DNAH11: variants seen among roughly 807,000 people sequenced by gnomAD.
The protein encoded by DNAH11 is dynein axonemal heavy chain 11.
Under a neutral mutation model 526.0 loss-of-function variants are expected in DNAH11, and 442 were observed. The ratio of observed to expected loss-of-function variants is 0.84; its 90% CI spans 0.78 to 0.91. The LOEUF is 0.91. DNAH11 is among the 40% of genes least tolerant of loss of function. DNAH11 has a pLI of 0.00. For missense variants in DNAH11, 6,989 were observed against 5,448.7 expected, an observed-to-expected ratio of 1.28 and a Z score of -8.90; for synonymous variants, 2,461 against 1,935.9, an observed-to-expected ratio of 1.27 and a Z score of -7.12.
At chr7:21,868,208 G>A (rs1783360510) in intron 72 of DNAH11, among the ~76,000 whole-genome samples, 1 of 151,636 alleles carries the variant, frequency 6.6e-6, no homozygotes, top group South Asian at 2.1e-4. Context: ...TCATGTGGCT[G>A]GCATAATGCA....
intron 27 of DNAH11, 74 bp from the exon 28 acceptor site, chr7:21,638,865 T>A (rs1786989842): frequency 6.6e-7 from 1 of 1,525,668 alleles, no homozygotes; most frequent in Non-Finnish European, 8.8e-7. Flanking sequence ...CATAGAGGAC[T>A]TGAGTTTTGT....
intron 2 of DNAH11, among the ~76,000 whole-genome samples, chr7:21,550,159 A>G (rs1054444674): frequency 6.6e-6 from 1 of 150,738 alleles, no homozygotes; most frequent in Non-Finnish European, 1.5e-5. Context: ...TTTTTAAACC[A>G]CTCCCTTGAC....
chr7:21,637,689 G>C lies in DNAH11; in HGVS notation c.4804G>C (p.Asp1602His), dbSNP rs1301123028. Residue 1602 changes from aspartate to histidine, a missense_variant, in exon 27 of 82, where the codon GAT (aspartate) becomes CAT (histidine). Asp to His is a moderately conservative substitution (Grantham distance 81). Coordinates refer to ENST00000409508, the MANE Select transcript of DNAH11 (RefSeq NM_001277115.2). ...CRPNLYEKLK[D>H]LQSRLSLCEK... ...ACCTAATCTCTATGAAAAACTTAAA[G>C]ATTTACAGTCCAGGTAAGAATAAAG... 5 of 1,561,926 alleles carry C rather than the reference G, an allele frequency of 3.2e-6. No individual in the cohort carries two copies. The highest frequency in any genetic ancestry group is 4.3e-6 in the Non-Finnish European group (5 of 1,152,664).
At chr7:21,744,382 T>G (rs2128491546) in intron 49 of DNAH11, 56 bp from the exon 50 acceptor site, 3 of 1,571,138 alleles carry the variant, frequency 1.9e-6, no homozygotes, top group Non-Finnish European at 2.6e-6. Context: ...GTTAAACTCA[T>G]TTGACATGTC....
At chr7:21,737,096 T>C (rs1785650285) in intron 46 of DNAH11, among the ~76,000 whole-genome samples, 2 of 152,208 alleles carry the variant, frequency 1.3e-5, no homozygotes, top group Admixed American at 6.5e-5. Context: ...TAGTTGTCAG[T>C]ATACTTGTAA....
chr7:21,638,691 G>GGTGTGTGTGTGT lies in DNAH11; in HGVS notation c.4818-217_4818-206dup, dbSNP rs56257528. Among the ~76,000 whole-genome samples, 127 of 144,214 alleles carry GGTGTGTGTGTGT rather than the reference G, an allele frequency of 8.8e-4. 1 individual carries two copies. Among genetic ancestry groups the GGTGTGTGTGTGT allele is most frequent in the African/African-American group, 2.9e-3 (113 of 39,104 alleles). 94.6% of individuals were successfully genotyped at this position (144,214 alleles called of 152,430 possible). ...ATTCATATTTAGCCACAGCTAATGG[G>GGTGTGTGTGTGT]GTGTGTGTGTGTGTGTGTGTGTGTG... On this transcript the variant is annotated intron_variant, in intron 27 of 81. Coordinates refer to ENST00000409508, the MANE Select transcript of DNAH11 (RefSeq NM_001277115.2).
intron 39 of DNAH11, 43 bp downstream of exon 39, chr7:21,705,580 TTTG>T (rs1472874405): frequency 4.4e-6 from 7 of 1,585,852 alleles, no homozygotes; most frequent in Non-Finnish European, 5.2e-6. Flanking sequence ...GGAAAGAACA[TTTG>T]TTGTCATTGT....
At chr7:21,629,349 T>C (rs55917426) in intron 25 of DNAH11, among the ~76,000 whole-genome samples, 5,892 of 152,208 alleles carry the variant, frequency 0.039, 194 homozygotes, top group African/African-American at 0.089. Context: ...GGAGAATCCA[T>C]GTGCTGACAA....
At chr7:21,558,657 A>G in intron 2 of DNAH11, 145 bp from the exon 3 acceptor site, 3 of 631,038 alleles carry the variant, frequency 4.8e-6, no homozygotes, top group Non-Finnish European at 8.0e-6. Flanking sequence ...TAAATGGGTC[A>G]CTGACTTTAT....
intron 65 of DNAH11, among the ~76,000 whole-genome samples, chr7:21,826,953 G>A (rs115322627): frequency 6.6e-6 from 1 of 152,312 alleles, no homozygotes; most frequent in African/African-American, 2.4e-5. Context: ...GATAGATAAA[G>A]CATAGTCCAA....
At chr7:21,634,490 A>G (rs541790058) in intron 25 of DNAH11, among the ~76,000 whole-genome samples, 1 of 152,336 alleles carries the variant, frequency 6.6e-6, no homozygotes, top group East Asian at 1.9e-4. Context: ...CCTAGAGTAG[A>G]GAAAAATGAG....
In DNAH11 at chr7:21,622,146, A is replaced by G. The variant is rs556712030; in HGVS notation, c.4500+2068A>G. Among the ~76,000 whole-genome samples the G allele has an allele frequency of 2.5e-4, 38 of 152,318 alleles. No homozygotes were observed. In the South Asian group the frequency reaches 5.6e-3, roughly 22 times the overall value. On this transcript the variant is annotated intron_variant, in intron 25 of 81. Transcript: ENST00000409508. ...TCTCAGGATACAAAATCAACGTACAAAAATCACAAGCATTCTTATACACCA... is the reference window on the plus strand; with the variant it reads ...TCTCAGGATACAAAATCAACGTACAGAAATCACAAGCATTCTTATACACCA...
At chr7:21,612,230 C>T (rs1785550999) in intron 20 of DNAH11, among the ~76,000 whole-genome samples, 1 of 151,794 alleles carries the variant, frequency 6.6e-6, no homozygotes, top group Admixed American at 6.6e-5. Context: ...AAATATTAAC[C>T]AGTAGTTAAA....
At chr7:21,832,117 C>A (rs1375901084) in intron 65 of DNAH11, among the ~76,000 whole-genome samples, 1 of 151,900 alleles carries the variant, frequency 6.6e-6, no homozygotes, top group South Asian at 2.1e-4. Flanking sequence ...GTCACTTGCA[C>A]CCAGAAGCAA....
At position 21,620,193 on chromosome 7, in the gene DNAH11, A is replaced by G. The variant is rs62447785; in HGVS notation, c.4500+115A>G. On this transcript the variant is annotated intron_variant, in intron 25 of 81. Coordinates refer to ENST00000409508, the MANE Select transcript of DNAH11 (RefSeq NM_001277115.2). ...TGTATGTTTACAATGTGGAAAGATTAAATCAGGCTAACCGTCATCTCATAC... is the reference window on the plus strand; with the variant it reads ...TGTATGTTTACAATGTGGAAAGATTGAATCAGGCTAACCGTCATCTCATAC... The G allele has an allele frequency of 0.025, 23,914 of 941,836 alleles. 508 individuals carry two copies. Among genetic ancestry groups the G allele is most frequent in the African/African-American group, 0.092 (5,397 of 58,390 alleles). The allele number at this position is 941,836 out of a possible 1,614,324, so 58.3% of individuals were successfully genotyped here. A position where few individuals can be genotyped will look rare whatever the true frequency, so the allele number is the denominator to read the frequency against.
intron 66 of DNAH11, among the ~76,000 whole-genome samples, chr7:21,844,312 G>T (rs1782332647): frequency 6.6e-6 from 1 of 152,198 alleles, no homozygotes; most frequent in Non-Finnish European, 1.5e-5. Context: ...CGTAGCCGCA[G>T]CTACTGAGGA....
chr7:21,647,016 A>G (rs951339129), intron 28 of DNAH11, among the ~76,000 whole-genome samples: 24 of 152,232 alleles, frequency 1.6e-4, no homozygotes, highest in African/African-American at 5.1e-4. Context: ...GACACAGATG[A>G]TAGACTTAGC....
intron 30 of DNAH11, among the ~76,000 whole-genome samples, chr7:21,663,005 T>C (rs1782294829): frequency 6.6e-6 from 1 of 152,014 alleles, no homozygotes. Flanking sequence ...CCAGTCTCCG[T>C]TGTCTGTCAT....
intron 75 of DNAH11, among the ~76,000 whole-genome samples, chr7:21,883,878 C>G (rs1784023293): frequency 6.6e-6 from 1 of 152,074 alleles, no homozygotes; most frequent in Non-Finnish European, 1.5e-5. Flanking sequence ...CCCATCTCTA[C>G]AAAATTTTTA....
Sources: allele counts gnomAD v4.1 joint callset (sites outside exome capture counted in the v4.1 genomes callset), GRCh38; gene constraint gnomAD v4.1.1; transcripts MANE v1.5; gene names NCBI Gene and HGNC (gene_info 2026-07-23, HGNC 2026-07-21).